Variants in CARD10 observed in about 807,000 individuals in gnomAD.
CARD10 encodes the protein caspase recruitment domain-containing protein 10.
Under a neutral mutation model 114.6 loss-of-function variants are expected in CARD10, and 49 were observed. That is an observed-to-expected ratio of 0.43 (90% CI 0.34 to 0.54). The LOEUF is 0.54. Among genes scored for constraint, CARD10 ranks in the 20% least tolerant of loss-of-function variants. The pLI is 0.03. For synonymous variants in CARD10, 602 were observed against 593.2 expected (o/e 1.01, Z -0.21); for missense variants, 1,206 against 1,397.2 (o/e 0.86, Z 2.18).
chr22:37,495,653 C>G, intron 14 of CARD10, 67 bp from the exon 15 acceptor site: 1 of 1,610,496 alleles, frequency 6.2e-7, no homozygotes, highest in Middle Eastern at 1.7e-4. Flanking sequence ...TCGAACCCCC[C>G]GCCCTGTCCC....
rs1922859578 is a variant in CARD10 at position 37,492,932 on chromosome 22, C to T, written c.2477-130G>A. The T allele has an allele frequency of 1.1e-6, 1 of 901,982 alleles. No individual in the cohort carries two copies. 55.9% of individuals were successfully genotyped at this position (901,982 alleles called of 1,614,324 possible). ...TGCTGCTGCTCCTCCTACACATGCA[C>T]ACACACACACCCTTAGTAGGACCGA... On this transcript the variant is annotated intron_variant, in intron 16 of 19. Transcript: ENST00000251973. The surrounding 1 kb of genome is among the most constrained non-coding windows in gnomAD (Gnocchi z 5.7).
chr22:37,496,920 G>T lies in CARD10; in HGVS notation c.1947+99C>A. ...CCGCTTCGGCTTTGACCAATCCCCA[G>T]AAGCTCTGCCCGGTGATCTTGATCC... is the stretch of plus-strand genomic sequence containing the variant. On this transcript the variant is annotated intron_variant, in intron 12 of 19. Transcript: ENST00000251973. This position sits in a 1 kb window ranked among gnomAD's most constrained non-coding sequence, Gnocchi z 4.1. 7.2e-7 allele frequency: 1 copy of T among 1,387,092 alleles called. No homozygotes were observed. The highest frequency in any genetic ancestry group is 9.8e-7 in the Non-Finnish European group (1 of 1,021,766). The allele number at this position is 1,387,092 out of a possible 1,614,324, so 85.9% of individuals were successfully genotyped here.
At position 37,506,335 on chromosome 22, in the gene CARD10, T is replaced by C; in HGVS notation, c.1240A>G (p.Ile414Val). ...TGCTTGCGGTACTGGTCCTTCTCGATGAGGCTCTGTGAGTACTGCAACTGG... is the reference window on the plus strand; with the variant it reads ...TGCTTGCGGTACTGGTCCTTCTCGACGAGGCTCTGTGAGTACTGCAACTGG... ...RIQLQYSQSL[I>V]EKDQYRKQVR... Residue 414 changes from isoleucine to valine, a missense_variant, in exon 7 of 20, where the codon ATC becomes GTC. Coordinates refer to ENST00000251973, the MANE Select transcript of CARD10 (RefSeq NM_014550.4). 2 of 1,604,998 alleles carry C rather than the reference T, an allele frequency of 1.2e-6. No individual in the cohort carries two copies. The highest frequency in any genetic ancestry group is 1.1e-5 in the South Asian group (1 of 88,760).
At chr22:37,509,238 C>T in intron 4 of CARD10, 1 of 1,141,860 alleles carries the variant, frequency 8.8e-7, no homozygotes, top group South Asian at 2.0e-5. Context: ...TGCTGACCTG[C>T]CACTGACCTG....
In CARD10 at chr22:37,492,261, A is replaced by C. The variant is rs892639246; in HGVS notation, c.2751+174T>G. 2.0e-5 allele frequency among the ~76,000 whole-genome samples: 3 copies of C among 152,188 alleles called. No homozygotes were observed. The highest frequency in any genetic ancestry group is 4.4e-5 in the Non-Finnish European group (3 of 68,018). On this transcript the variant is annotated intron_variant, in intron 18 of 19. Coordinates refer to ENST00000251973, the MANE Select transcript of CARD10 (RefSeq NM_014550.4). The surrounding 1 kb of genome is among the most constrained non-coding windows in gnomAD (Gnocchi z 5.7). ...TGCAGTCAACTGCCCCCACCCACCC[A>C]GGCAACAGGTGAGGAAACTGAAGGC...
chr22:37,492,231 CCA>C lies in CARD10; in HGVS notation c.2751+202_2751+203del, dbSNP rs1028935064. On this transcript the variant is annotated intron_variant, in intron 18 of 19. Transcript: ENST00000251973. The surrounding 1 kb of genome is among the most constrained non-coding windows in gnomAD (Gnocchi z 5.7). ...GTCAGCCAAACACCTCAAGGGGGGC[CCA>C]CATGCAGTCAACTGCCCCCACCCAC... is the stretch of plus-strand genomic sequence containing the variant. Among the ~76,000 whole-genome samples, 9 of 152,170 alleles carry C rather than the reference CCA, an allele frequency of 5.9e-5. No individual in the cohort carries two copies. The highest frequency in any genetic ancestry group is 5.2e-4 in the Admixed American group (8 of 15,288).
intron 2 of CARD10, among the ~76,000 whole-genome samples, chr22:37,517,082 C>T (rs1167413293): frequency 6.6e-6 from 1 of 152,164 alleles, no homozygotes. Context: ...AACCTCTTCG[C>T]CTGAGACACA....
rs770341983 is a variant in CARD10 at position 37,515,982 on chromosome 22, C to T, written c.690G>A (p.Leu230=). 2 of 1,577,368 alleles carry T rather than the reference C, an allele frequency of 1.3e-6. No individual in the cohort carries two copies. The highest frequency in any genetic ancestry group is 1.7e-6 in the Non-Finnish European group (2 of 1,158,844). ...TCTCCCCAGGGCCTACCGCCAGCTGCAGGTCACGGCTGCGAAGTACAGCCG... is the reference window on the plus strand; with the variant it reads ...TCTCCCCAGGGCCTACCGCCAGCTGTAGGTCACGGCTGCGAAGTACAGCCG... The part of the protein sequence containing the change: ...KNSAVLRSRD[L]QLAVDQLKLK... Residue 230 remains leucine, a synonymous_variant, in exon 3 of 20, where the codon CTG becomes CTA. Coordinates refer to ENST00000251973, the MANE Select transcript of CARD10 (RefSeq NM_014550.4).
intron 3 of CARD10, 200 bp from the exon 4 acceptor site, chr22:37,510,621 T>G (rs1353739590): frequency 1.9e-5 from 11 of 577,586 alleles, no homozygotes; most frequent in African/African-American, 3.7e-5. Flanking sequence ...GAAGGAGCAG[T>G]GGGTAGCAAG....
rs767072413 is a variant in CARD10, at chr22:37,516,180, G to A, written c.492C>T (p.Leu164=). The A allele has an allele frequency of 1.7e-5, 27 of 1,592,876 alleles. No homozygotes were observed. In the East Asian group the frequency reaches 1.8e-4, roughly 11 times the overall value. ...GCTCCAGCCCTGCCCGCTCCTCCTCGAGCACCCGGCCCCGGGCCTGCAGTT... is the reference window on the plus strand; with the variant it reads ...GCTCCAGCCCTGCCCGCTCCTCCTCAAGCACCCGGCCCCGGGCCTGCAGTT... The part of the protein sequence containing the change: ...EQQLQARGRV[L]EEERAGLEQR... Residue 164 remains leucine (L), a synonymous_variant, in exon 3 of 20, where the codon CTC becomes CTT. Coordinates refer to ENST00000251973, the MANE Select transcript of CARD10 (RefSeq NM_014550.4).
At chr22:37,511,396 G>T (rs906852404) in intron 3 of CARD10, among the ~76,000 whole-genome samples, 3 of 139,144 alleles carry the variant, frequency 2.2e-5, no homozygotes, top group Non-Finnish European at 4.6e-5. Flanking sequence ...AGGAGAAGGG[G>T]GTGAGGAGGA....
At chr22:37,506,668 G>T (rs1323464970) in intron 6 of CARD10, among the ~76,000 whole-genome samples, 1 of 152,166 alleles carries the variant, frequency 6.6e-6, no homozygotes, top group Admixed American at 6.6e-5. Flanking sequence ...CAGAATCCAG[G>T]CTCTCACCAT....
At chr22:37,506,523 AT>A (rs1923415131) in intron 6 of CARD10, 140 bp from the exon 7 acceptor site, 1 of 520,874 alleles carries the variant, frequency 1.9e-6, no homozygotes, top group Non-Finnish European at 3.3e-6. Flanking sequence ...CCTGAGCTAA[AT>A]TATCAGCTCA....
At chr22:37,513,513 C>T (rs1001943009) in intron 3 of CARD10, among the ~76,000 whole-genome samples, 9 of 152,072 alleles carry the variant, frequency 5.9e-5, no homozygotes, top group African/African-American at 2.2e-4. Context: ...CTTTTCCATC[C>T]CCCTCCCCTG....
chr22:37,510,341 C>A lies in CARD10; in HGVS notation c.780G>T (p.Gly260=), dbSNP rs779827581. ...CCTTCTCCTTCTCCTTCTCCTCTGC[C>A]CCAGGGGGCGGGCCCCTGGCCCTTC... The part of the protein sequence containing the change: ...LLRRARGPPP[G]AEEKEKEKEK... The change falls in exon 4 of 20, where the codon GGG becomes GGT. Residue 260 remains glycine, a synonymous_variant. Coordinates refer to ENST00000251973, the MANE Select transcript of CARD10 (RefSeq NM_014550.4). 6.2e-7 allele frequency: 1 copy of A among 1,612,628 alleles called. No individual in the cohort carries two copies. Among genetic ancestry groups the A allele is most frequent in the South Asian group, 1.1e-5 (1 of 91,072 alleles).
chr22:37,496,998 GCT>G lies in CARD10; in HGVS notation c.1947+19_1947+20del. On this transcript the variant is annotated intron_variant, in intron 12 of 19. Transcript: ENST00000251973. The surrounding 1 kb of genome is among the most constrained non-coding windows in gnomAD (Gnocchi z 4.1). ...CAAAAGCACTGACCCTACCCCCCCA[GCT>G]CAGGAGGCAGGGCCTCACCTCTCTT... The G allele has an allele frequency of 6.3e-7, 1 of 1,591,010 alleles. No individual in the cohort carries two copies. Among genetic ancestry groups the G allele is most frequent in the Non-Finnish European group, 8.6e-7 (1 of 1,169,588 alleles).
chr22:37,517,930 C>T lies in CARD10; in HGVS notation c.373+41G>A, dbSNP rs746028231. 3.1e-6 allele frequency: 5 copies of T among 1,599,922 alleles called. No homozygotes were observed. The African/African-American group carries it at 6.7e-5, about 21-fold the overall frequency. ...AGGGATGGGGAAAGGAGCCTGTGCA[C>T]TGGAGTCCGAGGTGCCAGCATCCAC... On this transcript the variant is annotated intron_variant, in intron 2 of 19. Coordinates refer to ENST00000251973, the MANE Select transcript of CARD10 (RefSeq NM_014550.4).
Position 37,492,888 on chromosome 22 carries a change from C to T in CARD10, c.2477-86G>A. ...CGATACCCCAAAACCCACCCCGCCACCCATCCCTTCCTAAGTCCTGCTGCT... is the reference window on the plus strand; with the variant it reads ...CGATACCCCAAAACCCACCCCGCCATCCATCCCTTCCTAAGTCCTGCTGCT... On this transcript the variant is annotated intron_variant, in intron 16 of 19. Coordinates refer to ENST00000251973, the MANE Select transcript of CARD10 (RefSeq NM_014550.4). The surrounding 1 kb of genome is among the most constrained non-coding windows in gnomAD (Gnocchi z 5.7). 7.2e-7 allele frequency: 1 copy of T among 1,386,424 alleles called. No homozygotes were observed. The highest frequency in any genetic ancestry group is 9.8e-7 in the Non-Finnish European group (1 of 1,022,434). The allele number at this position is 1,386,424 out of a possible 1,614,324, so 85.9% of individuals were successfully genotyped here.
At chr22:37,502,141 T>G (rs1460755214) in intron 11 of CARD10, among the ~76,000 whole-genome samples, 1 of 152,130 alleles carries the variant, frequency 6.6e-6, no homozygotes, top group Non-Finnish European at 1.5e-5. Context: ...GCTGGCCCGG[T>G]CACAGGGGCT....
Sources: gnomAD v4.1 joint callset for allele counts (sites outside exome capture counted in the v4.1 genomes callset) on GRCh38, gnomAD v4.1.1 for gene constraint, Gnocchi (gnomAD v3.1) non-coding constraint, MANE v1.5 for transcripts, NCBI Gene and HGNC (gene_info 2026-07-23, HGNC 2026-07-21) for gene names.